The following PLXNA4 variants were observed in gnomAD, a reference collection of about 807,000 sequenced individuals.
The protein encoded by PLXNA4 is plexin A4, also known as plexin-A4.
A neutral mutation model predicts 191.8 loss-of-function variants in PLXNA4; 44 were observed. That is an observed-to-expected ratio of 0.23 (90% CI 0.18 to 0.29). The LOEUF is 0.29. PLXNA4 is among the 10% of genes least tolerant of loss of function. The probability of loss-of-function intolerance (pLI) is 1.00; values close to 1 mark genes in which losing one functional copy is unlikely to be tolerated. For missense variants in PLXNA4, 1,800 were observed against 2,488.8 expected, an observed-to-expected ratio of 0.72 and a Z score of 5.89; for synonymous variants, 1,082 against 1,009.5, an observed-to-expected ratio of 1.07 and a Z score of -1.36.
chr7:132,361,922 A>G (rs1418246226), intron 3 of PLXNA4, among the ~76,000 whole-genome samples: 1 of 152,258 alleles, frequency 6.6e-6, no homozygotes, highest in Non-Finnish European at 1.5e-5. Flanking sequence ...AAAGAAGAAG[A>G]GAAATTGATA....
In PLXNA4 at chr7:132,576,374, G is replaced by T. The variant is rs1802236748; in HGVS notation, c.-87+48C>A. 2.0e-6 allele frequency: 2 copies of T among 985,650 alleles called. No individual in the cohort carries two copies. The allele number at this position is 985,650 out of a possible 1,614,324, so 61.1% of individuals were successfully genotyped here. Reference sequence around the variant, plus strand: ...CGGCCCAGGTCTGTCCGACCTTGCTGCCCTCGCCGCCCGCCCGGCCCCACT... The same window carrying T: ...CGGCCCAGGTCTGTCCGACCTTGCTTCCCTCGCCGCCCGCCCGGCCCCACT... On this transcript the variant is annotated intron_variant, in intron 1 of 31. Coordinates refer to ENST00000321063, the MANE Select transcript of PLXNA4 (RefSeq NM_020911.2). The surrounding 1 kb of genome is among the most constrained non-coding windows in gnomAD (Gnocchi z 5.8).
Position 132,127,580 on chromosome 7 carries a change from AAAAC to A in PLXNA4, c.*2895_*2898del, listed in dbSNP as rs775328774. 1 of 152,204 alleles carries A rather than the reference AAAAC, an allele frequency of 6.6e-6. No individual in the cohort carries two copies. Among genetic ancestry groups the A allele is most frequent in the South Asian group, 2.1e-4 (1 of 4,826 alleles). 9.4% of individuals were successfully genotyped at this position (152,204 alleles called of 1,614,324 possible). On this transcript the variant is annotated 3_prime_UTR_variant, in exon 32 of 32. Coordinates refer to ENST00000321063, the MANE Select transcript of PLXNA4 (RefSeq NM_020911.2). Reference sequence around the variant, plus strand: ...CCAAGAATCCAAACGGAAGAAATGGAAAACAAACAGCAGAAGATAATTTTTATAA... The same window carrying A: ...CCAAGAATCCAAACGGAAGAAATGGAAAACAGCAGAAGATAATTTTTATAA...
chr7:132,140,174 G>C (rs1192829782), intron 30 of PLXNA4, among the ~76,000 whole-genome samples: 4 of 152,250 alleles, frequency 2.6e-5, no homozygotes, highest in Non-Finnish European at 4.4e-5. Flanking sequence ...GCTGGGAACT[G>C]CCAGCCAGAC....
At chr7:132,640,070 C>T (rs1040041714) in intron 2 of PLXNA4, among the ~76,000 whole-genome samples, 1 of 152,264 alleles carries the variant, frequency 6.6e-6, no homozygotes, top group Non-Finnish European at 1.5e-5. Context: ...TTGGCCTTGA[C>T]ACCAGCATCT....
At chr7:132,518,885 C>T (rs1212333149) in intron 1 of PLXNA4, among the ~76,000 whole-genome samples, 1 of 152,028 alleles carries the variant, frequency 6.6e-6, no homozygotes, top group Non-Finnish European at 1.5e-5. Context: ...GGAGGGTGTT[C>T]CCTCAGGGTA....
rs149631987 is a variant in PLXNA4 at position 132,397,180 on chromosome 7, T to C, written c.1371+92112A>G. 3.3e-5 allele frequency among the ~76,000 whole-genome samples: 5 copies of C among 152,358 alleles called. No homozygotes were observed. In the East Asian group the frequency reaches 9.6e-4, roughly 29 times the overall value. ...AGCGCAGGAACCAGCATGAATGAAGTTGGTTTTTAAGAGACAGTGTTTAAC... is the reference window on the plus strand; with the variant it reads ...AGCGCAGGAACCAGCATGAATGAAGCTGGTTTTTAAGAGACAGTGTTTAAC... On this transcript the variant is annotated intron_variant, in intron 3 of 31. Transcript: ENST00000321063.
intron 1 of PLXNA4, among the ~76,000 whole-genome samples, chr7:132,557,525 T>C (rs1372664789): frequency 8.6e-6 from 1 of 116,428 alleles, no homozygotes; most frequent in Non-Finnish European, 2.0e-5. Flanking sequence ...TTTCCTTGAA[T>C]TTTCCTTTAA....
chr7:132,613,047 G>A (rs1037574478), intron 2 of PLXNA4, among the ~76,000 whole-genome samples: 3 of 152,132 alleles, frequency 2.0e-5, no homozygotes, highest in African/African-American at 7.2e-5. Context: ...GACCAGTGTA[G>A]TCCTTGACGC....
At chr7:132,196,114 G>C (rs1188996013) in intron 13 of PLXNA4, among the ~76,000 whole-genome samples, 2 of 152,182 alleles carry the variant, frequency 1.3e-5, no homozygotes, top group African/African-American at 4.8e-5. Flanking sequence ...TAAGACCATG[G>C]GGTAGATGCC....
intron 20 of PLXNA4, among the ~76,000 whole-genome samples, chr7:132,178,883 C>T (rs1288076522): frequency 6.8e-6 from 1 of 147,140 alleles, no homozygotes; most frequent in Admixed American, 6.8e-5. Context: ...CAGCCTCCAG[C>T]ACTGCCCACA....
chr7:132,640,947 C>G (rs1000805802), intron 2 of PLXNA4, among the ~76,000 whole-genome samples: 2 of 152,228 alleles, frequency 1.3e-5, no homozygotes, highest in African/African-American at 4.8e-5. Context: ...CCTAAAACTT[C>G]TTATTCAGTG....
At chr7:132,216,101 A>G (rs1009142619) in intron 9 of PLXNA4, among the ~76,000 whole-genome samples, 3 of 152,178 alleles carry the variant, frequency 2.0e-5, no homozygotes, top group Non-Finnish European at 2.9e-5. Flanking sequence ...GTGAGATCCA[A>G]TGCTCACTCT....
At position 132,128,611 on chromosome 7, in the gene PLXNA4, G is replaced by GAC. The variant is rs143338003; in HGVS notation, c.*1866_*1867dup. 3,611 of 152,114 alleles carry GAC rather than the reference G, an allele frequency of 0.024. 127 individuals carry two copies. The highest frequency in any genetic ancestry group is 0.028 in the Non-Finnish European group (1,909 of 67,990). 9.4% of individuals were successfully genotyped at this position (152,114 alleles called of 1,614,324 possible). A position where few individuals can be genotyped will look rare whatever the true frequency, so the allele number is the denominator to read the frequency against. On this transcript the variant is annotated 3_prime_UTR_variant, in exon 32 of 32. Coordinates refer to ENST00000321063, the MANE Select transcript of PLXNA4 (RefSeq NM_020911.2). Reference sequence around the variant, plus strand: ...GAGCTTTCCGCCTACACCTGGGGCAGACACACACACACACATACATGTGCT... The same window carrying GAC: ...GAGCTTTCCGCCTACACCTGGGGCAGACACACACACACACACATACATGTGCT...
chr7:132,619,416 G>T (rs192335690), intron 2 of PLXNA4, among the ~76,000 whole-genome samples: 27 of 152,280 alleles, frequency 1.8e-4, no homozygotes, highest in Admixed American at 1.1e-3. Flanking sequence ...GAATTTTTCT[G>T]TTAATACTTA....
Position 132,179,865 on chromosome 7 carries a change from G to T in PLXNA4, c.3696C>A (p.Ser1232Arg). ...TGACGATGGCGGGCAGGCTGAGCGG[G>T]CTGTCCGGGGCAATGTACACCATCC... ...SPGMVYIAPD[S>R]PLSLPAIVSI... Residue 1232 changes from serine (S) to arginine (R), a missense_variant, in exon 20 of 32, where the codon AGC becomes AGA. Coordinates refer to ENST00000321063, the MANE Select transcript of PLXNA4 (RefSeq NM_020911.2). 2 of 1,613,128 alleles carry T rather than the reference G, an allele frequency of 1.2e-6. No individual in the cohort carries two copies. Among genetic ancestry groups the T allele is most frequent in the Non-Finnish European group, 1.7e-6 (2 of 1,179,932 alleles).
At chr7:132,437,976 G>A (rs992887267) in intron 3 of PLXNA4, among the ~76,000 whole-genome samples, 17 of 152,316 alleles carry the variant, frequency 1.1e-4, no homozygotes, top group African/African-American at 4.1e-4. Context: ...TGGAGGCCAG[G>A]CCGGAAGGAA....
At chr7:132,240,357 T>G (rs925138425) in intron 5 of PLXNA4, among the ~76,000 whole-genome samples, 1 of 152,238 alleles carries the variant, frequency 6.6e-6, no homozygotes, top group African/African-American at 2.4e-5. Flanking sequence ...GTTTATTTAC[T>G]GTTTACCTCC....
intron 3 of PLXNA4, among the ~76,000 whole-genome samples, chr7:132,407,906 ATAAATTGGAACAATAC>A (rs1193617250): frequency 1.3e-5 from 2 of 152,246 alleles, no homozygotes; most frequent in East Asian, 3.8e-4. Flanking sequence ...TAGTGGGAAC[ATAAATTGGAACAATAC>A]TTTTGGAAAA....
intron 1 of PLXNA4, among the ~76,000 whole-genome samples, chr7:132,509,361 T>G (rs1798617380): frequency 6.6e-6 from 1 of 152,202 alleles, no homozygotes; most frequent in Non-Finnish European, 1.5e-5. Flanking sequence ...CCACCCATAC[T>G]ACATTGCCCC....
Sources: allele counts gnomAD v4.1 joint callset (sites outside exome capture counted in the v4.1 genomes callset), GRCh38; gene constraint gnomAD v4.1.1; non-coding constraint Gnocchi (gnomAD v3.1); transcripts MANE v1.5; gene names NCBI Gene and HGNC (gene_info 2026-07-23, HGNC 2026-07-21).